SEC14L1: variants seen among roughly 807,000 people sequenced by gnomAD.
SEC14L1 encodes the protein SEC14-like protein 1.
Under a neutral mutation model 85.3 loss-of-function variants are expected in SEC14L1, and 48 were observed. The ratio of observed to expected loss-of-function variants is 0.56; its 90% CI spans 0.45 to 0.72. SEC14L1 has a LOEUF of 0.72. SEC14L1 is among the 30% of genes least tolerant of loss of function. The probability of loss-of-function intolerance (pLI) is 0.00; values close to 1 mark genes in which losing one functional copy is unlikely to be tolerated. For synonymous variants in SEC14L1, 391 were observed against 355.5 expected, an observed-to-expected ratio of 1.10 and a Z score of -1.12; for missense variants, 682 against 921.4, an observed-to-expected ratio of 0.74 and a Z score of 3.36.
chr17:77,127,762 C>T (rs562479238), intron 3 of SEC14L1: 1 of 152,294 alleles, frequency 6.6e-6, no homozygotes, highest in South Asian at 2.1e-4. Context: ...AAAACAGTGT[C>T]TTTGCAGATG....
intron 3 of SEC14L1, among the ~76,000 whole-genome samples, chr17:77,109,751 G>A (rs73998614): frequency 0.031 from 4,731 of 152,194 alleles, 245 homozygotes; most frequent in African/African-American, 0.11. Context: ...AGGATATGCC[G>A]TTCCATATGT....
intron 3 of SEC14L1, among the ~76,000 whole-genome samples, chr17:77,160,667 A>AT (rs1974016765): frequency 6.6e-6 from 1 of 152,080 alleles, no homozygotes; most frequent in African/African-American, 2.4e-5. Context: ...GTATACCTCC[A>AT]TTTTTTTCTA....
In SEC14L1 at chr17:77,213,871, G is replaced by T. The variant is rs1466853373; in HGVS notation, c.2043-47G>T. The T allele has an allele frequency of 1.2e-6, 2 of 1,607,002 alleles. No individual in the cohort carries two copies. Among genetic ancestry groups the T allele is most frequent in the Non-Finnish European group, 1.7e-6 (2 of 1,175,626 alleles). On this transcript the variant is annotated intron_variant, in intron 16 of 16. Transcript: ENST00000436233. This position sits in a 1 kb window ranked among gnomAD's most constrained non-coding sequence, Gnocchi z 7.1. ...AGCAGGCAGTGTGGGCCGGCGGGTG[G>T]TTGGCAGGGTGGTCCTCACGCCTCG...
At chr17:77,177,091 G>A (rs1412173624) in intron 3 of SEC14L1, among the ~76,000 whole-genome samples, 2 of 151,872 alleles carry the variant, frequency 1.3e-5, no homozygotes, top group African/African-American at 4.8e-5. Context: ...TAAATTGTTT[G>A]GACATAGTAA....
At chr17:77,126,122 T>A (rs945359961) in intron 3 of SEC14L1, among the ~76,000 whole-genome samples, 1 of 152,104 alleles carries the variant, frequency 6.6e-6, no homozygotes, top group Non-Finnish European at 1.5e-5. Context: ...CTGCACTCCA[T>A]CCTGGGTGAC....
intron 3 of SEC14L1, among the ~76,000 whole-genome samples, chr17:77,176,406 G>A (rs1482686750): frequency 6.6e-6 from 1 of 152,222 alleles, no homozygotes; most frequent in Non-Finnish European, 1.5e-5. Flanking sequence ...TCCCGTGTGA[G>A]GATTTACCCA....
At chr17:77,117,165 T>C (rs1972188688) in intron 3 of SEC14L1, among the ~76,000 whole-genome samples, 1 of 152,116 alleles carries the variant, frequency 6.6e-6, no homozygotes, top group South Asian at 2.1e-4. Flanking sequence ...CTGGCCAACA[T>C]GGTAAAACCC....
At chr17:77,192,696 CCTG>C (rs1975605916) in intron 5 of SEC14L1, among the ~76,000 whole-genome samples, 1 of 151,858 alleles carries the variant, frequency 6.6e-6, no homozygotes, top group Non-Finnish European at 1.5e-5. Flanking sequence ...GGGATCTTGC[CCTG>C]TCGCTCAGGC....
intron 9 of SEC14L1, among the ~76,000 whole-genome samples, chr17:77,202,402 T>G (rs1435787690): frequency 1.3e-5 from 2 of 152,176 alleles, no homozygotes; most frequent in Non-Finnish European, 2.9e-5. Context: ...GTGGATCACC[T>G]GAGATCAGGA....
rs368955227 is a variant in SEC14L1, at chr17:77,151,238, C to CAATCAGTGGG, written c.63+7581_63+7590dup. Among the ~76,000 whole-genome samples the CAATCAGTGGG allele has an allele frequency of 3.5e-3, 527 of 152,222 alleles. 1 individual carries two copies. The highest frequency in any genetic ancestry group is 0.012 in the African/African-American group (491 of 41,520). ...CCTATGACATATAAAAGGACCTGGTCAATCAGTGGGAGACTGTGCTGCCCT... is the reference window on the plus strand; with the variant it reads ...CCTATGACATATAAAAGGACCTGGTCAATCAGTGGGAATCAGTGGGAGACTGTGCTGCCCT... On this transcript the variant is annotated intron_variant, in intron 3 of 16. Transcript: ENST00000436233.
chr17:77,177,485 A>C (rs1484953624), intron 3 of SEC14L1, among the ~76,000 whole-genome samples: 1 of 151,702 alleles, frequency 6.6e-6, no homozygotes, highest in Non-Finnish European at 1.5e-5. Context: ...TCTTGGCTGG[A>C]AATTCTTGAA....
At chr17:77,190,760 G>GT (rs1300026882) in intron 3 of SEC14L1, 43 bp from the exon 4 acceptor site, 1 of 1,608,552 alleles carries the variant, frequency 6.2e-7, no homozygotes, top group Non-Finnish European at 8.5e-7. Flanking sequence ...ACATCAGGTT[G>GT]TGTCTTTGCT....
At chr17:77,096,008 C>T (rs908194271) in intron 3 of SEC14L1, among the ~76,000 whole-genome samples, 3 of 150,864 alleles carry the variant, frequency 2.0e-5, no homozygotes, top group Admixed American at 6.6e-5. Context: ...ATTCCCTGGC[C>T]TTGGCTGTCT....
chr17:77,158,711 C>T (rs1400269067), intron 3 of SEC14L1, among the ~76,000 whole-genome samples: 1 of 151,126 alleles, frequency 6.6e-6, no homozygotes, highest in African/African-American at 2.4e-5. Flanking sequence ...ATTGACTTAC[C>T]GATGGACGTT....
chr17:77,178,267 G>A (rs1974852155), intron 3 of SEC14L1, among the ~76,000 whole-genome samples: 2 of 152,054 alleles, frequency 1.3e-5, no homozygotes. Context: ...GCAAGAACAC[G>A]GCCTTCCAGA....
chr17:77,171,240 A>T (rs757293154), intron 3 of SEC14L1, among the ~76,000 whole-genome samples: 15 of 152,198 alleles, frequency 9.9e-5, no homozygotes, highest in Non-Finnish European at 4.4e-5. Context: ...TCCTTGATGG[A>T]GTTGAGACAA....
chr17:77,168,200 T>C (rs1186476945), intron 3 of SEC14L1, among the ~76,000 whole-genome samples: 1 of 152,204 alleles, frequency 6.6e-6, no homozygotes, highest in Non-Finnish European at 1.5e-5. Flanking sequence ...ATAAGGAGGT[T>C]GGGCTTCTGA....
At chr17:77,161,440 G>T (rs919971363) in intron 3 of SEC14L1, among the ~76,000 whole-genome samples, 9 of 152,180 alleles carry the variant, frequency 5.9e-5, no homozygotes, top group Non-Finnish European at 7.3e-5. Context: ...GGAGGTTGCA[G>T]TGAGCTGAGA....
rs674402 is a variant in SEC14L1, at chr17:77,194,880, C to G, written c.678C>G (p.Ser226Arg). The G allele has an allele frequency of 6.2e-7, 1 of 1,613,894 alleles. No homozygotes were observed. Residue 226 changes from serine to arginine, a missense_variant, in exon 7 of 17, where the codon AGC becomes AGG. Physicochemically the swap from Ser to Arg is moderately radical, Grantham distance 110. Around this residue, in one of 3 missense-constraint regions of SEC14L1, gnomAD observed 123 missense variants for 100.6 expected, o/e 1.22. Coordinates refer to ENST00000436233, the MANE Select transcript of SEC14L1 (RefSeq NM_001143998.2). The stretch of plus-strand genomic sequence containing the variant: ...GTGGTGATGCCCTCAGCAGCCCCAG[C>G]GCACCTGAGCCCGTGGTGGGCACCC... ...GLSGDALSSP[S>R]APEPVVGTPD... is the part of the protein sequence containing the mutation.
Sources: gnomAD v4.1 joint callset for allele counts (sites outside exome capture counted in the v4.1 genomes callset) on GRCh38, gnomAD v4.1.1 for gene constraint, gnomAD v4.1.1 regional missense constraint, Gnocchi (gnomAD v3.1) non-coding constraint, MANE v1.5 for transcripts, NCBI Gene and HGNC (gene_info 2026-07-23, HGNC 2026-07-21) for gene names.